The following LRRFIP1 variants were observed in gnomAD, a reference collection of about 807,000 sequenced individuals.
LRRFIP1 encodes leucine-rich repeat flightless-interacting protein 1.
Under a neutral mutation model 104.4 loss-of-function variants are expected in LRRFIP1, and 62 were observed. The ratio of observed to expected loss-of-function variants is 0.59; its 90% confidence interval spans 0.48 to 0.73. LRRFIP1 has a LOEUF of 0.73. Ranked by LOEUF, LRRFIP1 falls within the 30% of genes least tolerant of loss-of-function variation. The pLI is 0.00. For missense variants in LRRFIP1, 796 were observed against 824.5 expected (o/e 0.97, Z 0.42); for synonymous variants, 300 against 299.0 (o/e 1.00, Z -0.03).
intron 11 of LRRFIP1, among the ~76,000 whole-genome samples, chr2:237,742,732 C>T (rs2057284669): frequency 6.6e-6 from 1 of 152,196 alleles, no homozygotes; most frequent in Admixed American, 6.5e-5. Flanking sequence ...TGGGAAGAAG[C>T]CAGGAGAGCC....
chr2:237,737,126 C>T (rs1229851648), intron 10 of LRRFIP1, among the ~76,000 whole-genome samples: 1 of 152,188 alleles, frequency 6.6e-6, no homozygotes, highest in East Asian at 1.9e-4. Context: ...CCAGGAATTG[C>T]CCCCGCGCAG....
At chr2:237,765,301 G>T (rs181019817) in intron 19 of LRRFIP1, 9 of 180,156 alleles carry the variant, frequency 5.0e-5, no homozygotes, top group Non-Finnish European at 9.3e-5. Flanking sequence ...ACAACACAAT[G>T]TTTTCACGCC....
At chr2:237,709,944 C>G (rs936934066) in intron 2 of LRRFIP1, among the ~76,000 whole-genome samples, 6 of 151,910 alleles carry the variant, frequency 3.9e-5, no homozygotes, top group African/African-American at 1.5e-4. Flanking sequence ...CCTCCACCTC[C>G]CAGATTCAAG....
At chr2:237,752,318 A>G (rs1431357974) in intron 14 of LRRFIP1, among the ~76,000 whole-genome samples, 1 of 152,224 alleles carries the variant, frequency 6.6e-6, no homozygotes, top group Admixed American at 6.5e-5. Flanking sequence ...AGTCAGGAGA[A>G]TCACTTGAAC....
chr2:237,686,160 C>G (rs1005681672), intron 1 of LRRFIP1, among the ~76,000 whole-genome samples: 1 of 152,140 alleles, frequency 6.6e-6, no homozygotes, highest in South Asian at 2.1e-4. Context: ...TTTAACTAAT[C>G]GGTAGTGTGT....
At chr2:237,737,358 G>A (rs1372900734) in intron 10 of LRRFIP1, among the ~76,000 whole-genome samples, 2 of 152,296 alleles carry the variant, frequency 1.3e-5, no homozygotes, top group East Asian at 1.9e-4. Context: ...CCACAGCCAC[G>A]TGGCCAACAA....
chr2:237,643,417 G>T (rs73089757), intron 1 of LRRFIP1, among the ~76,000 whole-genome samples: 3,523 of 152,374 alleles, frequency 0.023, 130 homozygotes, highest in African/African-American at 0.08. Context: ...GTAGACGGAT[G>T]CCGTTGGTGT....
intron 18 of LRRFIP1, 49 bp from the exon 19 acceptor site, chr2:237,760,015 A>T (rs2150815986): frequency 6.4e-7 from 1 of 1,556,776 alleles, no homozygotes; most frequent in Non-Finnish European, 8.8e-7. Context: ...ACAGAGTTTA[A>T]CCTAATATCA....
intron 23 of LRRFIP1, among the ~76,000 whole-genome samples, chr2:237,777,457 A>C (rs545582677): frequency 5.9e-5 from 9 of 151,940 alleles, no homozygotes; most frequent in Non-Finnish European, 1.3e-4. Flanking sequence ...TTGTTCTTGG[A>C]CAGTAGTATT....
intron 9 of LRRFIP1, among the ~76,000 whole-genome samples, chr2:237,734,531 C>T (rs1175786403): frequency 6.6e-6 from 1 of 152,210 alleles, no homozygotes; most frequent in African/African-American, 2.4e-5. Flanking sequence ...CTGCCTGCCT[C>T]GGCCTCCCAG....
Position 237,768,571 on chromosome 2 carries a change from A to G in LRRFIP1, c.1460-1372A>G, listed in dbSNP as rs1285880241. 4.6e-5 allele frequency: 7 copies of G among 152,044 alleles called. No individual in the cohort carries two copies. In the East Asian group the frequency reaches 1.3e-3, roughly 29 times the overall value. 9.4% of individuals were successfully genotyped at this position (152,044 alleles called of 1,614,324 possible). On this transcript the variant is annotated intron_variant, in intron 19 of 23. Transcript: ENST00000308482. The stretch of plus-strand genomic sequence containing the variant: ...ATAACTGCAAAAATGTTTTGTTTCA[A>G]TGTTGGGTGGGTTATGGGGGGGAGC...
At chr2:237,776,708 G>A (rs927505355) in intron 23 of LRRFIP1, among the ~76,000 whole-genome samples, 25 of 152,104 alleles carry the variant, frequency 1.6e-4, no homozygotes, top group African/African-American at 4.6e-4. Context: ...TCACGTGGCC[G>A]CATCAGCTTT....
intron 1 of LRRFIP1, among the ~76,000 whole-genome samples, chr2:237,689,039 T>C (rs1046245104): frequency 2.1e-4 from 31 of 149,356 alleles, no homozygotes; most frequent in Non-Finnish European, 3.8e-4. Flanking sequence ...ACAATTGACC[T>C]TGCTCTACGT....
chr2:237,636,352 C>CTTTTTTTTTTTT (rs59582281), intron 1 of LRRFIP1, among the ~76,000 whole-genome samples: 5 of 124,450 alleles, frequency 4.0e-5, no homozygotes, highest in African/African-American at 8.8e-5. Flanking sequence ...CCTTTCTTTT[C>CTTTTTTTTTTTT]TTTTTTTTTT....
rs1457381763 is a variant in LRRFIP1, at chr2:237,735,063, G to A, written c.490-205G>A. On this transcript the variant is annotated intron_variant, in intron 9 of 23. Coordinates refer to ENST00000308482, the MANE Select transcript of LRRFIP1 (RefSeq NM_001137550.2). The surrounding 1 kb of genome is among the most constrained non-coding windows in gnomAD (Gnocchi z 4.6). Reference sequence around the variant, plus strand: ...ATTACATTGCACACCTCCTGACAACGACTAAAACCGGTCTCTCCTCATTTC... The same window carrying A: ...ATTACATTGCACACCTCCTGACAACAACTAAAACCGGTCTCTCCTCATTTC... Among the ~76,000 whole-genome samples the A allele has an allele frequency of 2.6e-5, 4 of 152,104 alleles. No homozygotes were observed. Among genetic ancestry groups the A allele is most frequent in the Non-Finnish European group, 5.9e-5 (4 of 68,030 alleles).
chr2:237,663,510 G>T (rs1443310189), intron 1 of LRRFIP1, among the ~76,000 whole-genome samples: 3 of 152,248 alleles, frequency 2.0e-5, no homozygotes, highest in African/African-American at 7.2e-5. Flanking sequence ...GCCCTCCCCA[G>T]ACACTGAATC....
At chr2:237,706,429 A>G (rs774879027) in intron 1 of LRRFIP1, among the ~76,000 whole-genome samples, 14 of 152,024 alleles carry the variant, frequency 9.2e-5, no homozygotes, top group East Asian at 1.9e-4. Flanking sequence ...CTGGTGGGCT[A>G]TGGCTGCTAT....
intron 1 of LRRFIP1, among the ~76,000 whole-genome samples, chr2:237,680,584 G>A (rs577757474): frequency 6.6e-6 from 1 of 152,324 alleles, no homozygotes; most frequent in Non-Finnish European, 1.5e-5. Context: ...CCCAGTGGTT[G>A]GAAGGGGTCC....
Position 237,766,023 on chromosome 2 carries a change from G to A in LRRFIP1, c.1460-3920G>A. The stretch of plus-strand genomic sequence containing the variant: ...TTGGGGGTTGCTGATTCCTATTGGG[G>A]TTCCGTGGAAGACCCACGCCTGATG... On this transcript the variant is annotated intron_variant, in intron 19 of 23. Transcript: ENST00000308482. The surrounding 1 kb of genome is among the most constrained non-coding windows in gnomAD (Gnocchi z 4.8). 1.2e-5 allele frequency: 8 copies of A among 686,522 alleles called. No individual in the cohort carries two copies. The highest frequency in any genetic ancestry group is 1.4e-5 in the Non-Finnish European group (8 of 557,144). The allele number at this position is 686,522 out of a possible 1,614,324, so 42.5% of individuals were successfully genotyped here.
Sources: allele counts gnomAD v4.1 joint callset (sites outside exome capture counted in the v4.1 genomes callset), GRCh38; gene constraint gnomAD v4.1.1; non-coding constraint Gnocchi (gnomAD v3.1); transcripts MANE v1.5; gene names NCBI Gene and HGNC (gene_info 2026-07-23, HGNC 2026-07-21).